Variants in CSMD2 observed in about 807,000 individuals in gnomAD.
CSMD2 encodes the protein CUB and sushi domain-containing protein 2.
CSMD2 carries 130 observed loss-of-function variants against 398.5 expected under a neutral mutation model. The observed-to-expected ratio is 0.33, with a 90% CI of 0.28 to 0.38. The LOEUF (loss-of-function observed/expected upper bound fraction) is 0.38, where lower values mean the gene tolerates loss of function less well. Ranked by LOEUF, CSMD2 falls within the 10% of genes least tolerant of loss-of-function variation. The pLI is 1.00. For missense variants in CSMD2, 3,829 were observed against 4,764.9 expected (o/e 0.80, Z 5.78); for synonymous variants, 1,828 against 1,908.5 (o/e 0.96, Z 1.10).
intron 5 of CSMD2, among the ~76,000 whole-genome samples, chr1:33,867,828 T>C (rs1640149855): frequency 6.6e-6 from 1 of 152,250 alleles, no homozygotes; most frequent in East Asian, 1.9e-4. Flanking sequence ...GCAGCAGCTG[T>C]GTGATGTACC....
At chr1:33,664,548 T>C (rs1391192466) in intron 25 of CSMD2, among the ~76,000 whole-genome samples, 1 of 152,182 alleles carries the variant, frequency 6.6e-6, no homozygotes, top group Non-Finnish European at 1.5e-5. Flanking sequence ...ATGCCTGTAA[T>C]CCCAGCACTT....
intron 12 of CSMD2, among the ~76,000 whole-genome samples, chr1:33,773,716 G>A (rs566118112): frequency 4.6e-5 from 7 of 152,310 alleles, no homozygotes; most frequent in African/African-American, 9.6e-5. Context: ...GGAGAAGGGC[G>A]TCCTGCAGGA....
At position 33,743,524 on chromosome 1, in the gene CSMD2, G is replaced by C; in HGVS notation, c.1929C>G (p.His643Gln). ...NYPEDYGNHL[H>Q]CVWLILARPE... is the part of the protein sequence containing the mutation. Reference sequence around the variant, plus strand: ...GCCTGGCCAGGATGAGCCAGACACAGTGGAGGTGGTTGCCATAGTCCTCTG... The same window carrying C: ...GCCTGGCCAGGATGAGCCAGACACACTGGAGGTGGTTGCCATAGTCCTCTG... The change falls in exon 14 of 71, where the codon CAC becomes CAG. Residue 643 changes from histidine (H) to glutamine (Q), a missense_variant. Coordinates refer to ENST00000373381, the MANE Select transcript of CSMD2 (RefSeq NM_001281956.2). 6.2e-7 allele frequency: 1 copy of C among 1,614,086 alleles called. No individual in the cohort carries two copies. Among genetic ancestry groups the C allele is most frequent in the Non-Finnish European group, 8.5e-7 (1 of 1,180,028 alleles).
chr1:33,616,333 G>GGA (rs1491043120), intron 39 of CSMD2, among the ~76,000 whole-genome samples: 1 of 152,072 alleles, frequency 6.6e-6, no homozygotes, highest in Non-Finnish European at 1.5e-5. Context: ...CGCCTCCTGG[G>GGA]TTCAAGTGAT....
At chr1:34,050,594 G>A (rs186499832) in intron 2 of CSMD2, among the ~76,000 whole-genome samples, 4 of 152,294 alleles carry the variant, frequency 2.6e-5, no homozygotes, top group Non-Finnish European at 5.9e-5. Flanking sequence ...GCAGCGCTGG[G>A]ACAAGGTTCT....
At chr1:33,756,679 A>C (rs897309139) in intron 13 of CSMD2, among the ~76,000 whole-genome samples, 5 of 152,226 alleles carry the variant, frequency 3.3e-5, no homozygotes, top group African/African-American at 1.2e-4. Context: ...GGAACACAAG[A>C]CAAACTAAAG....
intron 1 of CSMD2, among the ~76,000 whole-genome samples, chr1:34,144,353 T>C (rs1038031251): frequency 2.6e-5 from 4 of 152,214 alleles, no homozygotes; most frequent in Non-Finnish European, 4.4e-5. Context: ...CAAGTACCAG[T>C]GGCACACATT....
At chr1:33,714,447 C>T (rs570625744) in intron 21 of CSMD2, 140 bp downstream of exon 21, 64 of 972,438 alleles carry the variant, frequency 6.6e-5, no homozygotes, top group South Asian at 5.0e-4. Context: ...TTACCTGCCC[C>T]GGGTCCCACT....
At position 33,516,214 on chromosome 1, in the gene CSMD2, T is replaced by A. The variant is rs1653751816; in HGVS notation, c.*410A>T. 1 of 152,124 alleles carries A rather than the reference T, an allele frequency of 6.6e-6. No homozygotes were observed. Among genetic ancestry groups the A allele is most frequent in the Non-Finnish European group, 1.5e-5 (1 of 68,026 alleles). The allele number at this position is 152,124 out of a possible 1,614,324, so 9.4% of individuals were successfully genotyped here. A position where few individuals can be genotyped will look rare whatever the true frequency, so the allele number is the denominator to read the frequency against. ...TCTTCTCTGTGTGGGGAACAGGGCATGAAGCATCCTTCATGCGCACTTCTA... is the reference window on the plus strand; with the variant it reads ...TCTTCTCTGTGTGGGGAACAGGGCAAGAAGCATCCTTCATGCGCACTTCTA... On this transcript the variant is annotated 3_prime_UTR_variant, in exon 71 of 71. Coordinates refer to ENST00000373381, the MANE Select transcript of CSMD2 (RefSeq NM_001281956.2).
intron 3 of CSMD2, among the ~76,000 whole-genome samples, chr1:34,030,956 T>C (rs959749544): frequency 3.3e-5 from 5 of 152,200 alleles, no homozygotes; most frequent in African/African-American, 1.2e-4. Flanking sequence ...AGACAGACTT[T>C]AGGAAGCTTC....
intron 22 of CSMD2, among the ~76,000 whole-genome samples, chr1:33,703,733 A>C (rs566014267): frequency 6.6e-6 from 1 of 152,326 alleles, no homozygotes; most frequent in East Asian, 1.9e-4. Context: ...ACACATCTTC[A>C]ATTTGGTTAG....
At chr1:33,995,768 T>C (rs1646707371) in intron 3 of CSMD2, among the ~76,000 whole-genome samples, 1 of 152,188 alleles carries the variant, frequency 6.6e-6, no homozygotes, top group African/African-American at 2.4e-5. Flanking sequence ...TTATCGCGAA[T>C]AGGAAAAGCA....
intron 2 of CSMD2, among the ~76,000 whole-genome samples, chr1:34,086,320 T>TA (rs1657883000): frequency 6.6e-6 from 1 of 152,222 alleles, no homozygotes; most frequent in African/African-American, 2.4e-5. Context: ...CATCCAGTCT[T>TA]ACGTTTTAGG....
intron 5 of CSMD2, among the ~76,000 whole-genome samples, chr1:33,850,215 C>T (rs1278314832): frequency 6.6e-6 from 1 of 151,970 alleles, no homozygotes; most frequent in Non-Finnish European, 1.5e-5. Context: ...GCCTTTCACC[C>T]TGAGTGTGCA....
At chr1:33,827,218 A>G (rs1443400294) in intron 6 of CSMD2, among the ~76,000 whole-genome samples, 1 of 152,158 alleles carries the variant, frequency 6.6e-6, no homozygotes, top group Non-Finnish European at 1.5e-5. Flanking sequence ...ACCATATTAC[A>G]TCTCTGCTCA....
intron 1 of CSMD2, among the ~76,000 whole-genome samples, chr1:34,117,737 A>G (rs1661750042): frequency 6.6e-6 from 1 of 152,214 alleles, no homozygotes; most frequent in Admixed American, 6.5e-5. Flanking sequence ...ATACTAGCAA[A>G]TGAAATTCAA....
At chr1:34,052,036 T>G (rs1653231203) in intron 2 of CSMD2, among the ~76,000 whole-genome samples, 1 of 151,988 alleles carries the variant, frequency 6.6e-6, no homozygotes, top group Admixed American at 6.6e-5. Context: ...GGGGTATTGG[T>G]CTTCTCTCGT....
chr1:34,132,753 T>C (rs1001353191), intron 1 of CSMD2, among the ~76,000 whole-genome samples: 2 of 152,304 alleles, frequency 1.3e-5, no homozygotes, highest in Admixed American at 1.3e-4. Flanking sequence ...CTCCTAATTT[T>C]AAGGCTTTCA....
In CSMD2 at chr1:33,595,337, G is replaced by C. The variant is rs141227238; in HGVS notation, c.6856+5528C>G. 1.2e-3 allele frequency among the ~76,000 whole-genome samples: 187 copies of C among 152,294 alleles called. 3 individuals carry two copies. Among genetic ancestry groups the C allele is most frequent in the African/African-American group, 4.0e-3 (167 of 41,550 alleles). ...ATGTTCAGCTTGTCTTCTGCAACTG[G>C]ATAATCATGGAAGTGATGCTGGCTT... On this transcript the variant is annotated intron_variant, in intron 44 of 70. Coordinates refer to ENST00000373381, the MANE Select transcript of CSMD2 (RefSeq NM_001281956.2).
Sources: allele counts gnomAD v4.1 joint callset (sites outside exome capture counted in the v4.1 genomes callset), GRCh38; gene constraint gnomAD v4.1.1; transcripts MANE v1.5; gene names NCBI Gene and HGNC (gene_info 2026-07-23, HGNC 2026-07-21).